Variants in SLC4A10 observed in about 807,000 individuals in gnomAD.
SLC4A10 encodes sodium-driven chloride bicarbonate exchanger.
A neutral mutation model predicts 137.7 loss-of-function variants in SLC4A10; 42 were observed. That is an observed-to-expected ratio of 0.30 (90% confidence interval 0.24 to 0.39). SLC4A10 has a LOEUF of 0.39. Ranked by LOEUF, SLC4A10 falls within the 10% of genes least tolerant of loss-of-function variation. The pLI is 1.00. For missense variants in SLC4A10, 925 were observed against 1,355.0 expected (o/e 0.68, Z 4.98); for synonymous variants, 474 against 464.1 (o/e 1.02, Z -0.27).
chr2:161,912,253 TA>T (rs1340293346), intron 15 of SLC4A10, among the ~76,000 whole-genome samples: 1 of 152,162 alleles, frequency 6.6e-6, no homozygotes, highest in African/African-American at 2.4e-5. Context: ...CAAATAGGTA[TA>T]AAAAGGCAGC....
intron 8 of SLC4A10, among the ~76,000 whole-genome samples, chr2:161,875,711 C>T (rs1333695388): frequency 6.6e-6 from 1 of 152,176 alleles, no homozygotes; most frequent in Non-Finnish European, 1.5e-5. Context: ...GAAAGAACTT[C>T]CGTCTGCATC....
intron 1 of SLC4A10, among the ~76,000 whole-genome samples, chr2:161,722,972 A>G (rs1264831103): frequency 6.6e-6 from 1 of 152,156 alleles, no homozygotes; most frequent in Non-Finnish European, 1.5e-5. Context: ...CAGCTGCTGG[A>G]CTGCACTGTA....
At chr2:161,660,585 TTTCTTTCTTTC>T (rs1330051053) in intron 1 of SLC4A10, among the ~76,000 whole-genome samples, 22 of 132,254 alleles carry the variant, frequency 1.7e-4, no homozygotes, top group Non-Finnish European at 3.3e-4. Context: ...TCTTTCTTTC[TTTCTTTCTTTC>T]TTTCTTTCTT....
rs368845033 is a variant in SLC4A10 at position 161,786,998 on chromosome 2, A to G, written c.130+15944A>G. On this transcript the variant is annotated intron_variant, in intron 2 of 26. Transcript: ENST00000446997. ...CTTATATGAGCTTTTATGACAGGAGAGTATTGTCCTATGTTCTTTTATGAC... is the reference window on the plus strand; with the variant it reads ...CTTATATGAGCTTTTATGACAGGAGGGTATTGTCCTATGTTCTTTTATGAC... Among the ~76,000 whole-genome samples, 17 of 152,020 alleles carry G rather than the reference A, an allele frequency of 1.1e-4. No individual in the cohort carries two copies. The East Asian group carries it at 2.1e-3, about 19-fold the overall frequency.
Position 161,964,203 on chromosome 2 carries a change from C to T in SLC4A10, c.2931C>T (p.His977=), listed in dbSNP as rs376606282. The T allele has an allele frequency of 5.5e-5, 88 of 1,613,210 alleles. No individual in the cohort carries two copies. Among genetic ancestry groups the T allele is most frequent in the Middle Eastern group, 3.3e-4 (2 of 6,084 alleles). ...KHQPDFIYLR[H]VPLRKVHLFT... ...AACCAGATTTTATATACCTAAGGCA[C>T]GTACCGCTTCGAAAAGTGCATCTCT... Residue 977 remains histidine (H), a synonymous_variant, in exon 22 of 27, where the codon CAC becomes CAT. Coordinates refer to ENST00000446997, the MANE Select transcript of SLC4A10 (RefSeq NM_001178015.2).
chr2:161,765,694 C>T (rs1170345679), intron 1 of SLC4A10, among the ~76,000 whole-genome samples: 2 of 151,544 alleles, frequency 1.3e-5, no homozygotes, highest in Non-Finnish European at 2.9e-5. Context: ...GTGTTTTCTT[C>T]CTTACACAGT....
intron 1 of SLC4A10, among the ~76,000 whole-genome samples, chr2:161,639,818 G>A (rs1172938088): frequency 6.6e-6 from 1 of 152,162 alleles, no homozygotes; most frequent in Admixed American, 6.6e-5. Context: ...AATTGGAAAT[G>A]AGAAGTCAAA....
intron 16 of SLC4A10, among the ~76,000 whole-genome samples, chr2:161,945,165 A>G (rs1238111039): frequency 7.5e-6 from 1 of 133,074 alleles, no homozygotes; most frequent in Non-Finnish European, 1.6e-5. Context: ...GGCAAACTGG[A>G]GTACTTAAGT....
At chr2:161,647,308 A>G (rs375306566) in intron 1 of SLC4A10, among the ~76,000 whole-genome samples, 3 of 152,102 alleles carry the variant, frequency 2.0e-5, no homozygotes, top group African/African-American at 7.2e-5. Context: ...GGTGATTGTC[A>G]AGGAACATAT....
chr2:161,730,620 A>C (rs1439236174), intron 1 of SLC4A10, among the ~76,000 whole-genome samples: 2 of 152,166 alleles, frequency 1.3e-5, no homozygotes, highest in Non-Finnish European at 2.9e-5. Context: ...TCTGTCCTGA[A>C]TTTGTTCAAA....
At chr2:161,635,168 T>C (rs2034207534) in intron 1 of SLC4A10, among the ~76,000 whole-genome samples, 1 of 151,640 alleles carries the variant, frequency 6.6e-6, no homozygotes. Flanking sequence ...CCTTTATGTA[T>C]TTTTTTTAAG....
intron 6 of SLC4A10, among the ~76,000 whole-genome samples, chr2:161,866,180 ACTTG>A (rs2060734682): frequency 6.6e-6 from 1 of 152,028 alleles, no homozygotes. Context: ...TCCTTAATTG[ACTTG>A]TGTCTTGAGC....
chr2:161,781,022 C>T (rs2052951521), intron 2 of SLC4A10, among the ~76,000 whole-genome samples: 1 of 152,006 alleles, frequency 6.6e-6, no homozygotes, highest in Non-Finnish European at 1.5e-5. Flanking sequence ...AACATACCAC[C>T]AGCCCCACTC....
chr2:161,796,447 A>T (rs2054781753), intron 2 of SLC4A10, among the ~76,000 whole-genome samples: 1 of 152,180 alleles, frequency 6.6e-6, no homozygotes, highest in Non-Finnish European at 1.5e-5. Context: ...GATCTGATCC[A>T]GCCAGCTAGG....
chr2:161,871,616 C>G (rs911404365), intron 6 of SLC4A10, among the ~76,000 whole-genome samples: 1 of 152,018 alleles, frequency 6.6e-6, no homozygotes, highest in Non-Finnish European at 1.5e-5. Context: ...TTTTAATTTA[C>G]TGTTAATGCA....
At chr2:161,756,566 T>C (rs1260649751) in intron 1 of SLC4A10, among the ~76,000 whole-genome samples, 1 of 152,122 alleles carries the variant, frequency 6.6e-6, no homozygotes, top group African/African-American at 2.4e-5. Context: ...AAATCCAGGG[T>C]TACATAGATT....
intron 23 of SLC4A10, among the ~76,000 whole-genome samples, chr2:161,968,907 T>A (rs1439801692): frequency 2.0e-5 from 3 of 152,214 alleles, no homozygotes; most frequent in Non-Finnish European, 4.4e-5. Context: ...TTCTTGAGGC[T>A]TACAGACTCA....
At chr2:161,629,183 T>C (rs1000718808) in intron 1 of SLC4A10, among the ~76,000 whole-genome samples, 4 of 151,982 alleles carry the variant, frequency 2.6e-5, no homozygotes, top group African/African-American at 9.7e-5. Context: ...TTTGACTTCC[T>C]GTGAGGACAC....
intron 1 of SLC4A10, among the ~76,000 whole-genome samples, chr2:161,739,478 T>C (rs1027735719): frequency 6.6e-6 from 1 of 152,224 alleles, no homozygotes; most frequent in African/African-American, 2.4e-5. Flanking sequence ...TGGTTCCGTA[T>C]GTCTAAAGAC....
Sources: allele counts gnomAD v4.1 joint callset (sites outside exome capture counted in the v4.1 genomes callset), GRCh38; gene constraint gnomAD v4.1.1; transcripts MANE v1.5; gene names NCBI Gene and HGNC (gene_info 2026-07-23, HGNC 2026-07-21).